Variants in ZFAND3 observed in about 807,000 individuals in gnomAD.
The protein encoded by ZFAND3 is AN1-type zinc finger protein 3.
Under a neutral mutation model 29.6 loss-of-function variants are expected in ZFAND3, and 10 were observed. That is an observed-to-expected ratio of 0.34 (90% CI 0.21 to 0.57). ZFAND3 has a LOEUF of 0.57. Among genes scored for constraint, ZFAND3 ranks in the 20% least tolerant of loss-of-function variants. The pLI is 0.86. For missense variants in ZFAND3, 230 were observed against 304.5 expected (o/e 0.76, Z 1.82); for synonymous variants, 128 against 112.6 (o/e 1.14, Z -0.87).
intron 1 of ZFAND3, among the ~76,000 whole-genome samples, chr6:37,857,450 C>T (rs999454400): frequency 2.0e-5 from 3 of 151,628 alleles, no homozygotes; most frequent in Non-Finnish European, 2.9e-5. Flanking sequence ...ATAAAAGTAT[C>T]TATTTTTAAA....
chr6:37,926,444 T>A (rs1201645277), intron 1 of ZFAND3, among the ~76,000 whole-genome samples: 1 of 152,176 alleles, frequency 6.6e-6, no homozygotes, highest in Non-Finnish European at 1.5e-5. Flanking sequence ...AGCTTCTGCC[T>A]CCATCTTCAT....
intron 2 of ZFAND3, among the ~76,000 whole-genome samples, chr6:37,977,338 G>A (rs1272030984): frequency 6.6e-6 from 1 of 152,176 alleles, no homozygotes; most frequent in Non-Finnish European, 1.5e-5. Context: ...GTCTCGCTCT[G>A]TCGCCCAGGC....
intron 5 of ZFAND3, among the ~76,000 whole-genome samples, chr6:38,132,539 T>C (rs919280204): frequency 1.3e-5 from 2 of 152,076 alleles, no homozygotes; most frequent in African/African-American, 4.8e-5. Flanking sequence ...TCTTCGGAGG[T>C]CACAGACCTA....
intron 2 of ZFAND3, among the ~76,000 whole-genome samples, chr6:38,053,513 GTC>G (rs1764071113): frequency 6.6e-6 from 1 of 152,000 alleles, no homozygotes. Context: ...GTGAAACCCT[GTC>G]TCTACTAAAA....
Position 37,853,561 on chromosome 6 carries a change from T to C in ZFAND3, c.71+33545T>C, listed in dbSNP as rs574002668. Among the ~76,000 whole-genome samples, 5 of 152,298 alleles carry C rather than the reference T, an allele frequency of 3.3e-5. No homozygotes were observed. The South Asian group carries it at 8.3e-4, about 25-fold the overall frequency. Reference sequence around the variant, plus strand: ...TGGGGGGTTAACTTAGGAATTTTAATCATACTCACAACATTGTTTTTAAGG... The same window carrying C: ...TGGGGGGTTAACTTAGGAATTTTAACCATACTCACAACATTGTTTTTAAGG... On this transcript the variant is annotated intron_variant, in intron 1 of 5. Coordinates refer to ENST00000287218, the MANE Select transcript of ZFAND3 (RefSeq NM_021943.3).
chr6:37,859,591 C>G (rs1374097150), intron 1 of ZFAND3, among the ~76,000 whole-genome samples: 2 of 152,034 alleles, frequency 1.3e-5, no homozygotes, highest in African/African-American at 4.8e-5. Context: ...TTAATGTTTG[C>G]TTATTGGGGA....
At chr6:38,091,284 G>C (rs999732257) in intron 4 of ZFAND3, among the ~76,000 whole-genome samples, 19 of 150,738 alleles carry the variant, frequency 1.3e-4, no homozygotes, top group African/African-American at 4.7e-4. Flanking sequence ...CACAAATGCA[G>C]TTACAGCTGG....
chr6:37,977,903 CTCTTCCTTTCTTCCTT>C (rs57674653), intron 2 of ZFAND3, among the ~76,000 whole-genome samples: 1 of 116,638 alleles, frequency 8.6e-6, no homozygotes, highest in African/African-American at 3.2e-5. Context: ...CTCTCCTCTC[CTCTTCCTTTCTTCCTT>C]TCTTCCGTTC....
chr6:37,828,299 G>GT (rs1763795362), intron 1 of ZFAND3, among the ~76,000 whole-genome samples: 3 of 152,196 alleles, frequency 2.0e-5, no homozygotes, highest in Admixed American at 6.5e-5. Flanking sequence ...TGGAAGAGTG[G>GT]AGGCAGGAAG....
At chr6:37,918,098 A>G (rs987107763) in intron 1 of ZFAND3, among the ~76,000 whole-genome samples, 2 of 151,874 alleles carry the variant, frequency 1.3e-5, no homozygotes, top group African/African-American at 2.4e-5. Context: ...TTTTTTTGAT[A>G]TGGAGTCTCG....
intron 5 of ZFAND3, among the ~76,000 whole-genome samples, chr6:38,139,777 G>A (rs1336384949): frequency 1.3e-5 from 2 of 152,044 alleles, no homozygotes; most frequent in African/African-American, 2.4e-5. Flanking sequence ...CAGTAGCCTC[G>A]GAAAAAAGTT....
intron 1 of ZFAND3, among the ~76,000 whole-genome samples, chr6:37,873,040 C>T (rs771420248): frequency 1.1e-4 from 17 of 152,142 alleles, no homozygotes; most frequent in South Asian, 6.2e-4. Flanking sequence ...GGGTGGATCA[C>T]GAGGTCAGGA....
At chr6:37,992,569 C>T (rs1224207447) in intron 2 of ZFAND3, among the ~76,000 whole-genome samples, 2 of 151,968 alleles carry the variant, frequency 1.3e-5, no homozygotes, top group African/African-American at 4.8e-5. Context: ...GACACTCCAC[C>T]CTTAAATTCT....
chr6:38,019,672 G>T (rs1403037633), intron 2 of ZFAND3, among the ~76,000 whole-genome samples: 1 of 152,014 alleles, frequency 6.6e-6, no homozygotes, highest in Non-Finnish European at 1.5e-5. Context: ...AGTTAACTAG[G>T]CTTATGTTTT....
chr6:38,031,387 A>G (rs776513729), intron 2 of ZFAND3, among the ~76,000 whole-genome samples: 10 of 152,294 alleles, frequency 6.6e-5, no homozygotes, highest in Admixed American at 1.3e-4. Flanking sequence ...TCTATGTTTT[A>G]TGCCTTAAAC....
intron 1 of ZFAND3, among the ~76,000 whole-genome samples, chr6:37,875,177 T>A (rs1340930318): frequency 6.6e-6 from 1 of 152,178 alleles, no homozygotes; most frequent in Non-Finnish European, 1.5e-5. Flanking sequence ...TCAAATACCA[T>A]TTTTGTGTTA....
At chr6:37,886,560 A>G (rs1248387742) in intron 1 of ZFAND3, among the ~76,000 whole-genome samples, 2 of 152,200 alleles carry the variant, frequency 1.3e-5, no homozygotes, top group Non-Finnish European at 2.9e-5. Flanking sequence ...ATATCATGGA[A>G]AGGACCCTTG....
intron 2 of ZFAND3, among the ~76,000 whole-genome samples, chr6:38,040,101 A>G (rs566638644): frequency 2.6e-5 from 4 of 152,136 alleles, no homozygotes; most frequent in Admixed American, 6.5e-5. Context: ...AAAGCATAGT[A>G]CTTTATAAGC....
chr6:38,062,684 A>T (rs931475264), intron 3 of ZFAND3: 3 of 152,118 alleles, frequency 2.0e-5, no homozygotes, highest in African/African-American at 7.2e-5. Flanking sequence ...TTGTCTGCTT[A>T]ATTTTTATAA....
Sources: allele counts gnomAD v4.1 joint callset (sites outside exome capture counted in the v4.1 genomes callset), GRCh38; gene constraint gnomAD v4.1.1; transcripts MANE v1.5; gene names NCBI Gene and HGNC (gene_info 2026-07-23, HGNC 2026-07-21).